Variants in TEX11 observed in about 807,000 individuals in gnomAD.
The protein encoded by TEX11 is testis-expressed protein 11.
In TEX11, 7 loss-of-function variants were observed where a neutral mutation model predicts 84.4. That is an observed-to-expected ratio of 0.08 (90% CI 0.05 to 0.16). The LOEUF (loss-of-function observed/expected upper bound fraction) is 0.16, where lower values mean the gene tolerates loss of function less well. Among genes scored for constraint, TEX11 ranks in the 10% least tolerant of loss-of-function variants. TEX11 has a pLI of 1.00. For synonymous variants in TEX11, 264 were observed against 222.8 expected (o/e 1.18, Z -1.64); for missense variants, 551 against 660.5 (o/e 0.83, Z 1.82).
intron 7 of TEX11, among the ~76,000 whole-genome samples, chrX:70,833,995 A>T (rs1353576284): frequency 9.0e-6 from 1 of 111,323 alleles, no homozygotes; most frequent in Non-Finnish European, 1.9e-5. Context: ...ATAACCTCAT[A>T]GTCTGAACTG....
intron 28 of TEX11, among the ~76,000 whole-genome samples, chrX:70,547,037 A>G (rs1258584667): frequency 2.8e-5 from 3 of 107,116 alleles, no homozygotes; most frequent in African/African-American, 1.0e-4. Context: ...CAAAAAAAAA[A>G]AAAAAAAAAA....
At chrX:70,522,469 A>G in the TEX11 span, among the ~76,000 whole-genome samples, 12 of 112,041 alleles carry the variant, frequency 1.1e-4, no homozygotes, top group Non-Finnish European at 2.3e-4. Flanking sequence ...CTGACCATAT[A>G]TGTGTGAATT....
rs150662089 is a variant in TEX11, at chrX:70,814,193, T to A, written c.607-7403A>T. 1.6e-4 allele frequency among the ~76,000 whole-genome samples: 18 copies of A among 111,745 alleles called. No individual in the cohort carries two copies. In the East Asian group the frequency reaches 5.0e-3, roughly 31 times the overall value. ...AGTTGAAAGCATCACACCACCTGACTTCAAACTATACTACAAGGCTACAGT... is the reference window on the plus strand; with the variant it reads ...AGTTGAAAGCATCACACCACCTGACATCAAACTATACTACAAGGCTACAGT... On this transcript the variant is annotated intron_variant, in intron 8 of 29. Coordinates refer to ENST00000374333, the MANE Select transcript of TEX11 (RefSeq NM_031276.3).
intron 18 of TEX11, among the ~76,000 whole-genome samples, chrX:70,627,492 A>G (rs779435222): frequency 8.9e-6 from 1 of 111,888 alleles, no homozygotes; most frequent in Non-Finnish European, 1.9e-5. Flanking sequence ...ATGTGGTGTG[A>G]TTCCTGGTGT....
intron 25 of TEX11, among the ~76,000 whole-genome samples, chrX:70,560,893 G>GTTTTTTTTTTTTTTTTT (rs745618647): frequency 3.0e-5 from 1 of 33,593 alleles, no homozygotes; most frequent in Non-Finnish European, 4.7e-5. Context: ...CACCACACCG[G>GTTTTTTTTTTTTTTTTT]TTTTTTTTTT....
rs1442249591 is a variant in TEX11 at position 70,753,759 on chromosome X, C to T, written c.693-9540G>A. 3.6e-5 allele frequency among the ~76,000 whole-genome samples: 4 copies of T among 110,202 alleles called. No homozygotes were observed. In the East Asian group the frequency reaches 8.6e-4, roughly 24 times the overall value. ...TCTTGCACTTCGAATACCAGCTCAA[C>T]CACAGCAGGATAGGACAAGGGTTAG... On this transcript the variant is annotated intron_variant, in intron 9 of 29. Transcript: ENST00000374333.
the TEX11 span, among the ~76,000 whole-genome samples, chrX:70,517,604 C>T: frequency 9.0e-6 from 1 of 111,143 alleles, no homozygotes; most frequent in East Asian, 2.8e-4. Context: ...GTGTCTCTGC[C>T]AGGCTTTGGT....
At chrX:70,865,158 C>T (rs1341217549) in intron 4 of TEX11, among the ~76,000 whole-genome samples, 1 of 111,347 alleles carries the variant, frequency 9.0e-6, no homozygotes, top group Admixed American at 9.6e-5. Flanking sequence ...AACCATCTCA[C>T]ACACAGAGAC....
At chrX:70,772,563 GA>G in intron 9 of TEX11, among the ~76,000 whole-genome samples, 1 of 110,954 alleles carries the variant, frequency 9.0e-6, no homozygotes, top group African/African-American at 3.3e-5. Flanking sequence ...GACAGAGTGA[GA>G]CCTTGTTTAA....
chrX:70,892,816 G>A (rs780293379), intron 2 of TEX11, among the ~76,000 whole-genome samples: 3 of 109,524 alleles, frequency 2.7e-5, no homozygotes, highest in Non-Finnish European at 5.7e-5. Flanking sequence ...TCAATCTCAC[G>A]TGCAAAGACA....
chrX:70,618,960 G>A (rs1249885677), intron 20 of TEX11, among the ~76,000 whole-genome samples: 1 of 111,245 alleles, frequency 9.0e-6, no homozygotes, highest in Non-Finnish European at 1.9e-5. Flanking sequence ...CACTCAATAT[G>A]GGGGGTGGGG....
chrX:70,700,514 T>C (rs1361774374), intron 13 of TEX11, among the ~76,000 whole-genome samples: 1 of 111,701 alleles, frequency 9.0e-6, no homozygotes, highest in Non-Finnish European at 1.9e-5. Context: ...AATGTGTGTG[T>C]TCTAACTGCT....
At chrX:70,635,964 G>A (rs76160035) in intron 17 of TEX11, among the ~76,000 whole-genome samples, 8,805 of 111,098 alleles carry the variant, frequency 0.079, 431 homozygotes, top group Admixed American at 0.25. Context: ...GTGGAGCCAC[G>A]GTCCAAGTCT....
chrX:70,624,075 C>G, intron 19 of TEX11, 69 bp from the exon 20 acceptor site: 1 of 868,130 alleles, frequency 1.2e-6, no homozygotes, highest in Non-Finnish European at 1.6e-6. Flanking sequence ...GAATACATAC[C>G]AAGTTACTAA....
chrX:70,810,020 C>T (rs932061035), intron 8 of TEX11, among the ~76,000 whole-genome samples: 2 of 112,006 alleles, frequency 1.8e-5, no homozygotes, highest in African/African-American at 6.5e-5. Context: ...GACATTTATG[C>T]GACCAACAAA....
At chrX:70,573,484 G>A (rs1352539857) in intron 25 of TEX11, among the ~76,000 whole-genome samples, 1 of 111,467 alleles carries the variant, frequency 9.0e-6, no homozygotes, top group Non-Finnish European at 1.9e-5. Flanking sequence ...CTCAAGTTTT[G>A]CCATTCTGTT....
At chrX:70,776,936 C>T (rs2091005371) in intron 9 of TEX11, among the ~76,000 whole-genome samples, 2 of 111,201 alleles carry the variant, frequency 1.8e-5, no homozygotes, top group African/African-American at 6.5e-5. Context: ...TGATGGATAC[C>T]CCAAATACCC....
intron 15 of TEX11, among the ~76,000 whole-genome samples, chrX:70,673,947 A>G (rs1049758134): frequency 9.0e-6 from 1 of 111,716 alleles, no homozygotes; most frequent in African/African-American, 3.3e-5. Context: ...GGTTTGTTAC[A>G]TAGGTAAACA....
At chrX:70,748,364 G>T (rs1207713005) in intron 9 of TEX11, among the ~76,000 whole-genome samples, 1 of 111,381 alleles carries the variant, frequency 9.0e-6, no homozygotes, top group Admixed American at 9.6e-5. Flanking sequence ...ATCACATAAA[G>T]GGGAGTAACA....
Sources: allele counts gnomAD v4.1 joint callset (sites outside exome capture counted in the v4.1 genomes callset), GRCh38; gene constraint gnomAD v4.1.1; transcripts MANE v1.5; gene names NCBI Gene and HGNC (gene_info 2026-07-23, HGNC 2026-07-21).